HS6ST2: variants seen among roughly 807,000 people sequenced by gnomAD.
HS6ST2 encodes the protein heparan sulfate 6-O-sulfotransferase 2, also known as heparan-sulfate 6-O-sulfotransferase 2.
In HS6ST2, 17 loss-of-function variants were observed where a neutral mutation model predicts 33.0. The ratio of observed to expected loss-of-function variants is 0.52; its 90% CI spans 0.35 to 0.77. HS6ST2 has a LOEUF of 0.77. Among genes scored for constraint, HS6ST2 ranks in the 30% least tolerant of loss-of-function variants. The pLI, the probability that HS6ST2 is intolerant of heterozygous loss-of-function variation, is 0.01. For missense variants in HS6ST2, 519 were observed against 551.7 expected, an observed-to-expected ratio of 0.94 and a Z score of 0.59; for synonymous variants, 248 against 237.1, an observed-to-expected ratio of 1.05 and a Z score of -0.42.
chrX:132,631,682 T>A (rs2063518472), intron 4 of HS6ST2, among the ~76,000 whole-genome samples: 2 of 111,456 alleles, frequency 1.8e-5, no homozygotes, highest in South Asian at 7.6e-4. Context: ...CAGGCATGCA[T>A]TGTAATGGGG....
At chrX:132,783,136 G>A (rs2065029544) in intron 2 of HS6ST2, among the ~76,000 whole-genome samples, 3 of 111,588 alleles carry the variant, frequency 2.7e-5, no homozygotes, top group Admixed American at 9.5e-5. Context: ...AGTGACCTGG[G>A]CCTCAGTTTC....
At position 132,628,470 on chromosome X, in the gene HS6ST2, C is replaced by A. The variant is rs372249351; in HGVS notation, c.1691G>T (p.Arg564Met). The change falls in exon 5 of 5, where the codon AGG becomes ATG. Residue 564 changes from arginine to methionine, a missense_variant. Transcript: ENST00000370833. ...GCTCTGGAAATGGGTCTGAAGGAGC[C>A]TTCCCTTCAGAAATTTGCGTTGTTC... is the stretch of plus-strand genomic sequence containing the variant. ...RQEQRKFLKG[R>M]LLQTHFQSQG... 2.5e-6 allele frequency: 3 copies of A among 1,208,552 alleles called. No individual in the cohort carries two copies. Among genetic ancestry groups the A allele is most frequent in the Non-Finnish European group, 3.4e-6 (3 of 894,595 alleles).
chrX:132,753,142 T>A (rs898077475), intron 2 of HS6ST2, among the ~76,000 whole-genome samples: 2 of 111,578 alleles, frequency 1.8e-5, no homozygotes, highest in Non-Finnish European at 3.8e-5. Flanking sequence ...TCTGTTTCTG[T>A]GGCTTAGGCT....
At chrX:132,959,109 CAG>C (rs1189506432), upstream of HS6ST2, among the ~76,000 whole-genome samples, 1 of 111,271 alleles carries the variant, frequency 9.0e-6, no homozygotes, top group African/African-American at 3.3e-5. Flanking sequence ...AACTGAGGCC[CAG>C]AGAGGGGTAG....
chrX:132,942,703 C>T (rs955344718), intron 2 of HS6ST2, among the ~76,000 whole-genome samples: 1 of 112,059 alleles, frequency 8.9e-6, no homozygotes, highest in African/African-American at 3.2e-5. Context: ...CCTGCCTGAA[C>T]TCATTTATAT....
chrX:132,928,941 C>G, intron 2 of HS6ST2, among the ~76,000 whole-genome samples: 1 of 111,738 alleles, frequency 8.9e-6, no homozygotes, highest in Non-Finnish European at 1.9e-5. Context: ...CATGCTGAGT[C>G]AGTGGCAGGC....
chrX:132,804,828 C>A (rs2065266284), intron 2 of HS6ST2, among the ~76,000 whole-genome samples: 1 of 111,005 alleles, frequency 9.0e-6, no homozygotes, highest in Non-Finnish European at 1.9e-5. Context: ...AGGAAAAAGA[C>A]ACAGGGCATT....
In HS6ST2 at chrX:132,817,325, A is replaced by T. The variant is rs768208684; in HGVS notation, c.948-108831T>A. Among the ~76,000 whole-genome samples, 197 of 110,766 alleles carry T rather than the reference A, an allele frequency of 1.8e-3. 1 individual carries two copies. The highest frequency in any genetic ancestry group is 6.1e-3 in the African/African-American group (186 of 30,486). ...ATGCATAGTAATCAGGAAATGAAAC[A>T]TCACATAGATTCATGGGGCCTGCAG... On this transcript the variant is annotated intron_variant, in intron 2 of 4. Coordinates refer to ENST00000370833, the MANE Select transcript of HS6ST2 (RefSeq NM_001394073.1).
intron 2 of HS6ST2, among the ~76,000 whole-genome samples, chrX:132,919,839 G>T (rs1299009799): frequency 8.9e-6 from 1 of 111,803 alleles, no homozygotes; most frequent in Non-Finnish European, 1.9e-5. Flanking sequence ...ATTTAAAGCT[G>T]CCTGAACACA....
rs1461966946 is a variant in HS6ST2 at position 132,838,974 on chromosome X, A to G, written c.947+117834T>C. On this transcript the variant is annotated intron_variant, in intron 2 of 4. Transcript: ENST00000370833. ...TTATTATTAAAAAGTCGGAAAAAAA[A>G]AAAACAGATGTTGGCAAGAATGCAG... 7.4e-5 allele frequency among the ~76,000 whole-genome samples: 8 copies of G among 107,646 alleles called. No individual in the cohort carries two copies. In the East Asian group the frequency reaches 1.5e-3, roughly 20 times the overall value. The allele number at this position is 107,646 out of a possible 115,157, so 93.5% of individuals were successfully genotyped here.
In HS6ST2 at chrX:132,957,125, G is replaced by A. The variant is rs373756161; in HGVS notation, c.630C>T (p.Phe210=). The change falls in exon 2 of 5, where the codon TTC becomes TTT. Residue 210 remains phenylalanine (F), a synonymous_variant. Transcript: ENST00000370833. ...SSARFVPRYN[F]TRGDLLRKVD... ...CCTTGCGCAGGAGGTCGCCGCGGGTGAAATTGTAGCGGGGCACGAACCTGG... is the reference window on the plus strand; with the variant it reads ...CCTTGCGCAGGAGGTCGCCGCGGGTAAAATTGTAGCGGGGCACGAACCTGG... 10 of 1,209,966 alleles carry A rather than the reference G, an allele frequency of 8.3e-6. No individual in the cohort carries two copies. The highest frequency in any genetic ancestry group is 1.1e-5 in the Non-Finnish European group (10 of 895,151).
At chrX:132,845,257 CTCAATG>C (rs1323974790) in intron 2 of HS6ST2, among the ~76,000 whole-genome samples, 1 of 109,688 alleles carries the variant, frequency 9.1e-6, no homozygotes, top group Non-Finnish European at 1.9e-5. Context: ...GGGATATTCT[CTCAATG>C]TCAATGTCAA....
chrX:132,639,646 T>C (rs1287138119), intron 4 of HS6ST2, among the ~76,000 whole-genome samples: 1 of 111,735 alleles, frequency 8.9e-6, no homozygotes, highest in Admixed American at 9.6e-5. Flanking sequence ...AGTGTTTCTA[T>C]GTGACATCTT....
At chrX:132,678,568 C>G in intron 3 of HS6ST2, among the ~76,000 whole-genome samples, 1 of 112,683 alleles carries the variant, frequency 8.9e-6, no homozygotes, top group South Asian at 3.7e-4. Flanking sequence ...AATTTTTAAA[C>G]TACTTAGTTA....
chrX:132,833,628 T>C (rs773360840), intron 2 of HS6ST2, among the ~76,000 whole-genome samples: 3 of 110,996 alleles, frequency 2.7e-5, no homozygotes, highest in Non-Finnish European at 5.7e-5. Flanking sequence ...TAGTCCCCAC[T>C]TGGGGAAGTA....
intron 2 of HS6ST2, among the ~76,000 whole-genome samples, chrX:132,862,606 A>G (rs1325775703): frequency 8.9e-6 from 1 of 112,575 alleles, no homozygotes. Flanking sequence ...AATCAAAACT[A>G]AACAAAATTA....
intron 4 of HS6ST2, among the ~76,000 whole-genome samples, chrX:132,655,796 G>C (rs902209562): frequency 2.7e-5 from 3 of 111,382 alleles, no homozygotes; most frequent in African/African-American, 9.8e-5. Context: ...ATTGTTTATA[G>C]GGTTATATAA....
chrX:132,950,644 C>G (rs1395916855), intron 2 of HS6ST2, among the ~76,000 whole-genome samples: 1 of 111,695 alleles, frequency 9.0e-6, no homozygotes. Flanking sequence ...TTTTCCATGT[C>G]TGCAAACTAG....
At chrX:132,662,045 A>G (rs1160025399) in intron 4 of HS6ST2, among the ~76,000 whole-genome samples, 1 of 111,705 alleles carries the variant, frequency 9.0e-6, no homozygotes, top group African/African-American at 3.3e-5. Flanking sequence ...ACTAGTATAA[A>G]GCTATAGTAA....
Sources: gnomAD v4.1 joint callset for allele counts (sites outside exome capture counted in the v4.1 genomes callset) on GRCh38, gnomAD v4.1.1 for gene constraint, MANE v1.5 for transcripts, NCBI Gene and HGNC (gene_info 2026-07-23, HGNC 2026-07-21) for gene names.